The following GALNT14 variants were observed in gnomAD, a reference collection of about 807,000 sequenced individuals.
The protein encoded by GALNT14 is UDP-GalNAc:polypeptide N-acetylgalactosaminyltransferase 14.
A neutral mutation model predicts 77.5 loss-of-function variants in GALNT14; 60 were observed. The observed-to-expected ratio is 0.77, with a 90% CI of 0.63 to 0.96. The LOEUF is 0.96. Ranked by LOEUF, GALNT14 falls within the 40% of genes least tolerant of loss-of-function variation. The pLI is 0.00. For missense variants in GALNT14, 710 were observed against 731.0 expected (o/e 0.97, Z 0.33); for synonymous variants, 280 against 281.7 (o/e 0.99, Z 0.06).
chr2:31,010,420 A>G (rs1354083402), intron 1 of GALNT14, among the ~76,000 whole-genome samples: 2 of 152,248 alleles, frequency 1.3e-5, no homozygotes, highest in African/African-American at 4.8e-5. Context: ...TAACACGGTA[A>G]AACCCCATCT....
chr2:31,055,233 C>T (rs1674135419), intron 1 of GALNT14, among the ~76,000 whole-genome samples: 1 of 152,236 alleles, frequency 6.6e-6, no homozygotes, highest in Admixed American at 6.5e-5. Context: ...TTCAGAAGCA[C>T]TAATGAAGAT....
chr2:30,999,967 G>A (rs969174045), intron 1 of GALNT14, among the ~76,000 whole-genome samples: 11 of 152,166 alleles, frequency 7.2e-5, no homozygotes, highest in Admixed American at 4.6e-4. Flanking sequence ...TATTCTCACC[G>A]GTTGGAGCCA....
chr2:30,988,719 C>T (rs1669474785), intron 2 of GALNT14, among the ~76,000 whole-genome samples: 1 of 152,166 alleles, frequency 6.6e-6, no homozygotes, highest in African/African-American at 2.4e-5. Context: ...GGTTTCTAAA[C>T]TTGAGCCGGC....
At chr2:30,920,967 G>A (rs892692973) in intron 13 of GALNT14, among the ~76,000 whole-genome samples, 1 of 152,212 alleles carries the variant, frequency 6.6e-6, no homozygotes, top group South Asian at 2.1e-4. Context: ...AAGGCAGAGA[G>A]GAGGGGCATC....
chr2:30,955,490 G>A (rs1057278132), intron 6 of GALNT14, 128 bp downstream of exon 6: 66 of 1,264,420 alleles, frequency 5.2e-5, no homozygotes, highest in Middle Eastern at 2.0e-4. Context: ...CAATAAAATC[G>A]GGACTGCGAT....
chr2:31,013,589 C>G (rs963613743), intron 1 of GALNT14, among the ~76,000 whole-genome samples: 4 of 152,200 alleles, frequency 2.6e-5, no homozygotes, highest in East Asian at 1.9e-4. Context: ...CAAGTACGGA[C>G]AGCAGGAGTG....
chr2:31,025,554 C>T (rs1300320332), intron 1 of GALNT14, among the ~76,000 whole-genome samples: 1 of 152,164 alleles, frequency 6.6e-6, no homozygotes, highest in Non-Finnish European at 1.5e-5. Context: ...GCAGAGAAAA[C>T]ACCGGCAGGC....
intron 1 of GALNT14, among the ~76,000 whole-genome samples, chr2:31,066,931 C>T (rs1277982027): frequency 6.6e-6 from 1 of 152,158 alleles, no homozygotes; most frequent in Non-Finnish European, 1.5e-5. Context: ...GGCTGCTGCA[C>T]ACCCACCTAC....
At chr2:30,993,279 T>C (rs367693094) in intron 1 of GALNT14, among the ~76,000 whole-genome samples, 2 of 152,204 alleles carry the variant, frequency 1.3e-5, no homozygotes, top group East Asian at 3.8e-4. Flanking sequence ...CTCAGAGCAA[T>C]TCTATGAGAG....
At chr2:30,888,469 T>C in the GALNT14 span, among the ~76,000 whole-genome samples, 2 of 152,106 alleles carry the variant, frequency 1.3e-5, no homozygotes, top group East Asian at 1.9e-4. Flanking sequence ...AGATAGTTAA[T>C]ATCAAAAAAG....
intron 6 of GALNT14, among the ~76,000 whole-genome samples, chr2:30,949,491 C>G (rs1666901750): frequency 2.6e-5 from 4 of 152,132 alleles, no homozygotes; most frequent in Admixed American, 2.6e-4. Flanking sequence ...TGGTGGAACC[C>G]TTGCAGATCC....
chr2:31,096,483 G>A (rs758143257), intron 1 of GALNT14, among the ~76,000 whole-genome samples: 1 of 152,142 alleles, frequency 6.6e-6, no homozygotes, highest in South Asian at 2.1e-4. Context: ...AGATGTATAA[G>A]TTTATGAGGA....
chr2:31,117,225 A>G (rs1414675512), intron 1 of GALNT14, among the ~76,000 whole-genome samples: 2 of 152,150 alleles, frequency 1.3e-5, no homozygotes, highest in African/African-American at 2.4e-5. Flanking sequence ...CAAAAATCCT[A>G]AGGATTTTGA....
chr2:30,995,152 G>A, intron 1 of GALNT14, among the ~76,000 whole-genome samples: 1 of 62,340 alleles, frequency 1.6e-5, no homozygotes, highest in South Asian at 8.3e-4. Context: ...GTGTGTGTGT[G>A]TGTGTGTGTG....
chr2:31,046,076 A>G (rs1673434665), intron 1 of GALNT14, among the ~76,000 whole-genome samples: 1 of 152,156 alleles, frequency 6.6e-6, no homozygotes, highest in South Asian at 2.1e-4. Context: ...GGATTATCAC[A>G]CTCAGTCCTC....
chr2:31,135,480 T>C (rs568094400), intron 1 of GALNT14, among the ~76,000 whole-genome samples: 10 of 151,220 alleles, frequency 6.6e-5, no homozygotes, highest in Admixed American at 6.6e-4. Flanking sequence ...CAGAGCGACA[T>C]ACATACAAGG....
Position 31,068,548 on chromosome 2 carries a change from A to T in GALNT14, c.129+69410T>A, listed in dbSNP as rs180756431. Among the ~76,000 whole-genome samples the T allele has an allele frequency of 4.2e-3, 644 of 151,882 alleles. 6 individuals carry two copies. Among genetic ancestry groups the T allele is most frequent in the African/African-American group, 0.015 (615 of 41,406 alleles). On this transcript the variant is annotated intron_variant, in intron 1 of 14. Coordinates refer to ENST00000349752, the MANE Select transcript of GALNT14 (RefSeq NM_024572.4). ...AAAGAAAAGAAAAGAAAGGTCCATA[A>T]CTAATAGCAAATGCATTTTGAATAG...
chr2:30,913,944 G>A (rs1167199700), intron 13 of GALNT14, among the ~76,000 whole-genome samples: 3 of 152,176 alleles, frequency 2.0e-5, no homozygotes, highest in Admixed American at 6.5e-5. Flanking sequence ...GACATATCAA[G>A]AAGTTCTTCT....
intron 2 of GALNT14, among the ~76,000 whole-genome samples, chr2:30,983,177 C>G (rs1251089995): frequency 6.6e-6 from 1 of 152,128 alleles, no homozygotes; most frequent in African/African-American, 2.4e-5. Flanking sequence ...GACCATGCCT[C>G]CTGTGGAAAG....
Sources: allele counts gnomAD v4.1 joint callset (sites outside exome capture counted in the v4.1 genomes callset), GRCh38; gene constraint gnomAD v4.1.1; transcripts MANE v1.5; gene names NCBI Gene and HGNC (gene_info 2026-07-23, HGNC 2026-07-21).